Variants in MICAL3 observed in about 807,000 individuals in gnomAD.
The protein encoded by MICAL3 is microtubule associated monooxygenase, calponin and LIM domain containing 3.
A neutral mutation model predicts 207.4 loss-of-function variants in MICAL3; 62 were observed. That is an observed-to-expected ratio of 0.30 (90% confidence interval 0.24 to 0.37). The LOEUF is 0.37. Among genes scored for constraint, MICAL3 ranks in the 10% least tolerant of loss-of-function variants. The pLI, the probability that MICAL3 is intolerant of heterozygous loss-of-function variation, is 1.00. For synonymous variants in MICAL3, 1,077 were observed against 1,069.3 expected, an observed-to-expected ratio of 1.01 and a Z score of -0.14; for missense variants, 2,368 against 2,635.6, an observed-to-expected ratio of 0.90 and a Z score of 2.22.
At chr22:17,916,581 T>C (rs1932529685) in intron 1 of MICAL3, among the ~76,000 whole-genome samples, 1 of 152,232 alleles carries the variant, frequency 6.6e-6, no homozygotes, top group Admixed American at 6.5e-5. Flanking sequence ...CATGAATGAC[T>C]TCCATGCTGT....
chr22:17,812,364 G>A (rs437633), intron 27 of MICAL3: 77,706 of 207,966 alleles, frequency 0.37, 15,524 homozygotes, highest in African/African-American at 0.56. Context: ...GCTAACGGAA[G>A]TACTGCTGCC....
In MICAL3 at chr22:17,829,059, G is replaced by A. The variant is rs559882647; in HGVS notation, c.3056-1278C>T. Among the ~76,000 whole-genome samples, 4 of 152,200 alleles carry A rather than the reference G, an allele frequency of 2.6e-5. 1 individual carries two copies. In the South Asian group the frequency reaches 8.3e-4, roughly 32 times the overall value. The stretch of plus-strand genomic sequence containing the variant: ...GCTAGTCTCTATAGATTTGTTGCTG[G>A]CCCTGCAAGCCGTATGTGGAGTATT... On this transcript the variant is annotated intron_variant, in intron 21 of 31. Transcript: ENST00000441493.
intron 1 of MICAL3, among the ~76,000 whole-genome samples, 179 bp from the exon 2 acceptor site, chr22:17,907,065 A>T (rs1931778048): frequency 6.6e-6 from 1 of 152,210 alleles, no homozygotes; most frequent in Admixed American, 6.5e-5. Context: ...GGTGAGCAGG[A>T]TGGTTCTTGC....
intron 1 of MICAL3, among the ~76,000 whole-genome samples, chr22:17,979,108 TG>T (rs1424667703): frequency 1.3e-5 from 2 of 150,948 alleles, no homozygotes; most frequent in African/African-American, 4.9e-5. Context: ...CAGGAGGTTG[TG>T]GCTGCAGTAA....
chr22:17,922,818 A>G (rs1284324056), intron 1 of MICAL3, among the ~76,000 whole-genome samples: 2 of 152,204 alleles, frequency 1.3e-5, no homozygotes, highest in African/African-American at 2.4e-5. Context: ...AATGAGGGCT[A>G]GCTAGCTCCA....
chr22:17,815,160 G>C (rs2062091277), intron 27 of MICAL3: 1 of 152,418 alleles, frequency 6.6e-6, no homozygotes, highest in African/African-American at 2.4e-5. Context: ...TCTGGCTCTA[G>C]GGTTCCATGA....
At chr22:17,992,349 T>C (rs1203858179) in intron 1 of MICAL3, among the ~76,000 whole-genome samples, 1 of 152,196 alleles carries the variant, frequency 6.6e-6, no homozygotes, top group Non-Finnish European at 1.5e-5. Flanking sequence ...ATTCTCAATC[T>C]TATGTGCAAG....
At position 17,958,677 on chromosome 22, in the gene MICAL3, T is replaced by C. The variant is rs184543200; in HGVS notation, c.-74-51791A>G. On this transcript the variant is annotated intron_variant, in intron 1 of 31. Coordinates refer to ENST00000441493, the MANE Select transcript of MICAL3 (RefSeq NM_015241.3). ...AGCAGGGCAGCCTGGTCTCAGGGCC[T>C]GTTGTTTTTGAGTTGTTGGGTTTTT... is the stretch of plus-strand genomic sequence containing the variant. 1.4e-3 allele frequency among the ~76,000 whole-genome samples: 212 copies of C among 151,712 alleles called. 1 individual carries two copies. The highest frequency in any genetic ancestry group is 4.9e-3 in the African/African-American group (201 of 41,274).
chr22:17,833,867 G>A (rs1413910231), intron 20 of MICAL3, among the ~76,000 whole-genome samples: 2 of 152,180 alleles, frequency 1.3e-5, no homozygotes, highest in African/African-American at 4.8e-5. Flanking sequence ...GACCAAGAGA[G>A]TACAGCTGTC....
intron 7 of MICAL3, among the ~76,000 whole-genome samples, chr22:17,898,951 C>A (rs1931097900): frequency 6.6e-6 from 1 of 152,178 alleles, no homozygotes; most frequent in Admixed American, 6.5e-5. Flanking sequence ...ATCAGGCTCC[C>A]ATAAACACCA....
At chr22:17,979,423 T>C (rs1935804936) in intron 1 of MICAL3, among the ~76,000 whole-genome samples, 1 of 152,092 alleles carries the variant, frequency 6.6e-6, no homozygotes, top group Admixed American at 6.5e-5. Context: ...TGGGCGCCTG[T>C]AATCCCAGCT....
chr22:17,932,416 C>T (rs1313210004), intron 1 of MICAL3, among the ~76,000 whole-genome samples: 3 of 152,134 alleles, frequency 2.0e-5, no homozygotes, highest in Admixed American at 6.5e-5. Flanking sequence ...CCTTTACAGA[C>T]GAGCAAATGC....
rs1926875387 is a variant in MICAL3 at position 17,864,658 on chromosome 22, T to C, written c.2605+241A>G. On this transcript the variant is annotated intron_variant, in intron 19 of 31. Coordinates refer to ENST00000441493, the MANE Select transcript of MICAL3 (RefSeq NM_015241.3). ...GCCGCCCACCGGACGGCCCCATCAC[T>C]GGGCCACAGCCTGCCAGTGGAACTC... 6.9e-6 allele frequency: 11 copies of C among 1,600,656 alleles called. No homozygotes were observed. The East Asian group carries it at 2.3e-4, about 33-fold the overall frequency.
chr22:17,989,882 C>G (rs909070091), intron 1 of MICAL3, among the ~76,000 whole-genome samples: 1 of 152,250 alleles, frequency 6.6e-6, no homozygotes, highest in African/African-American at 2.4e-5. Context: ...CTTGTTTTCC[C>G]GAATCACACC....
intron 19 of MICAL3, among the ~76,000 whole-genome samples, chr22:17,847,287 TTTTCC>T (rs1203999002): frequency 2.0e-5 from 3 of 152,220 alleles, no homozygotes; most frequent in Admixed American, 1.3e-4. Context: ...TCCCACTTCT[TTTTCC>T]TTTCCTTCTT....
intron 1 of MICAL3, among the ~76,000 whole-genome samples, chr22:18,000,522 G>A (rs1015508743): frequency 1.3e-5 from 2 of 152,246 alleles, no homozygotes; most frequent in African/African-American, 4.8e-5. Flanking sequence ...TGAGCAAGCG[G>A]GGTGGCGGCT....
At chr22:17,903,396 C>T (rs890658933) in intron 3 of MICAL3, among the ~76,000 whole-genome samples, 3 of 152,182 alleles carry the variant, frequency 2.0e-5, no homozygotes, top group Non-Finnish European at 4.4e-5. Flanking sequence ...GGCATGGCAG[C>T]GACTTAAGGT....
intron 22 of MICAL3, 130 bp downstream of exon 22, chr22:17,827,514 G>T: frequency 1.1e-6 from 1 of 917,930 alleles, no homozygotes; most frequent in Non-Finnish European, 1.6e-6. Flanking sequence ...GCAGCAAAGC[G>T]GGATGCGCCT....
chr22:17,881,382 A>C (rs1929415983), intron 16 of MICAL3: 3 of 1,223,274 alleles, frequency 2.5e-6, no homozygotes, highest in Non-Finnish European at 3.5e-6. Context: ...GGAGGACTGA[A>C]GGGTGTTTGT....
Sources: gnomAD v4.1 joint callset for allele counts (sites outside exome capture counted in the v4.1 genomes callset) on GRCh38, gnomAD v4.1.1 for gene constraint, MANE v1.5 for transcripts, NCBI Gene and HGNC (gene_info 2026-07-23, HGNC 2026-07-21) for gene names.